Variants in PTPRT observed in about 807,000 individuals in gnomAD.
PTPRT encodes the protein receptor-type tyrosine-protein phosphatase T.
A neutral mutation model predicts 176.8 loss-of-function variants in PTPRT; 56 were observed. The ratio of observed to expected loss-of-function variants is 0.32; its 90% CI spans 0.26 to 0.40. PTPRT has a LOEUF of 0.40. PTPRT is among the 10% of genes least tolerant of loss of function. PTPRT has a pLI of 1.00. For synonymous variants in PTPRT, 783 were observed against 739.0 expected (o/e 1.06, Z -0.96); for missense variants, 1,540 against 1,908.2 (o/e 0.81, Z 3.60).
At chr20:42,670,002 C>G (rs2075385925) in intron 7 of PTPRT, among the ~76,000 whole-genome samples, 1 of 152,086 alleles carries the variant, frequency 6.6e-6, no homozygotes, top group African/African-American at 2.4e-5. Context: ...CATGAAATAC[C>G]CTCACAGCTA....
At chr20:42,838,630 C>CAGAGGA (rs2078222695) in intron 2 of PTPRT, among the ~76,000 whole-genome samples, 1 of 152,322 alleles carries the variant, frequency 6.6e-6, no homozygotes, top group South Asian at 2.1e-4. Flanking sequence ...GGCCGCTGGA[C>CAGAGGA]AGAGGAGAGG....
chr20:42,274,718 G>C (rs1392543229), intron 13 of PTPRT, among the ~76,000 whole-genome samples: 1 of 152,116 alleles, frequency 6.6e-6, no homozygotes, highest in Non-Finnish European at 1.5e-5. Context: ...CCCTGGAGCA[G>C]ACAACCCTGA....
At chr20:42,442,095 A>T (rs2059321567) in intron 9 of PTPRT, among the ~76,000 whole-genome samples, 1 of 152,116 alleles carries the variant, frequency 6.6e-6, no homozygotes, top group Non-Finnish European at 1.5e-5. Context: ...GGATGGGAGG[A>T]GGCATGCTCA....
intron 7 of PTPRT, among the ~76,000 whole-genome samples, chr20:42,642,448 G>A (rs2074779482): frequency 6.6e-6 from 1 of 152,142 alleles, no homozygotes; most frequent in Non-Finnish European, 1.5e-5. Flanking sequence ...TTTGGAGTAA[G>A]ATAGGGAATA....
chr20:42,241,929 G>A (rs1391791237), intron 14 of PTPRT, among the ~76,000 whole-genome samples: 2 of 152,106 alleles, frequency 1.3e-5, no homozygotes, highest in East Asian at 1.9e-4. Context: ...TCAGAGTGTG[G>A]ACTCCATTAT....
chr20:42,985,087 A>T (rs1983496819), intron 1 of PTPRT, among the ~76,000 whole-genome samples: 1 of 152,162 alleles, frequency 6.6e-6, no homozygotes, highest in Non-Finnish European at 1.5e-5. Context: ...ATCTTGAAAG[A>T]ACGGAATGGA....
At chr20:43,030,544 T>C (rs985047160) in intron 1 of PTPRT, among the ~76,000 whole-genome samples, 1 of 151,780 alleles carries the variant, frequency 6.6e-6, no homozygotes, top group African/African-American at 2.4e-5. Context: ...GTTGTGAATA[T>C]ACCTCTGTTG....
chr20:42,093,230 A>G (rs938364550), intron 27 of PTPRT, among the ~76,000 whole-genome samples: 1 of 152,156 alleles, frequency 6.6e-6, no homozygotes, highest in Non-Finnish European at 1.5e-5. Flanking sequence ...AAAGAGGGAA[A>G]AGATCTTGTC....
chr20:42,059,533 T>C, the PTPRT span, among the ~76,000 whole-genome samples: 2 of 152,232 alleles, frequency 1.3e-5, no homozygotes, highest in Non-Finnish European at 2.9e-5. Context: ...ATATCTGCCA[T>C]TTTTGACCTA....
chr20:42,973,120 C>T (rs1476736720), intron 1 of PTPRT, among the ~76,000 whole-genome samples: 1 of 151,370 alleles, frequency 6.6e-6, no homozygotes, highest in Non-Finnish European at 1.5e-5. Flanking sequence ...ATGGTAGCTG[C>T]AAGCAGAGAT....
At chr20:42,115,674 T>C (rs1987238201) in intron 21 of PTPRT, among the ~76,000 whole-genome samples, 1 of 152,238 alleles carries the variant, frequency 6.6e-6, no homozygotes, top group South Asian at 2.1e-4. Flanking sequence ...GTTCAGAGGT[T>C]TGGTGACTTG....
intron 2 of PTPRT, among the ~76,000 whole-genome samples, chr20:42,810,164 T>G (rs2077678669): frequency 6.6e-6 from 1 of 151,994 alleles, no homozygotes; most frequent in African/African-American, 2.4e-5. Flanking sequence ...CGTGGCAGCG[T>G]GCACCTGTAG....
rs540166196 is a variant in PTPRT, at chr20:42,338,124, C to A, written c.1865+12504G>T. Among the ~76,000 whole-genome samples the A allele has an allele frequency of 1.4e-3, 206 of 152,326 alleles. 1 individual carries two copies. The highest frequency in any genetic ancestry group is 2.4e-3 in the Non-Finnish European group (165 of 68,028). On this transcript the variant is annotated intron_variant, in intron 11 of 30. Transcript: ENST00000373187. ...TATGGAGGAAATTAACACCTCAAAG[C>A]AAACTATAATTAGGAATTCTTCAAT...
At chr20:42,723,950 CT>C (rs1372804067) in intron 6 of PTPRT, among the ~76,000 whole-genome samples, 2 of 152,196 alleles carry the variant, frequency 1.3e-5, no homozygotes, top group Non-Finnish European at 2.9e-5. Flanking sequence ...TGCTTTGATA[CT>C]TCCTGTTTGA....
intron 1 of PTPRT, among the ~76,000 whole-genome samples, chr20:43,089,158 T>C (rs1217051432): frequency 6.6e-6 from 1 of 152,226 alleles, no homozygotes; most frequent in Non-Finnish European, 1.5e-5. Context: ...GTAAGACTAT[T>C]ATTATCCCCA....
intron 12 of PTPRT, among the ~76,000 whole-genome samples, chr20:42,297,934 G>A (rs2057411496): frequency 6.6e-6 from 1 of 151,844 alleles, no homozygotes; most frequent in Non-Finnish European, 1.5e-5. Flanking sequence ...AGCAAACATG[G>A]GTAAATTCCT....
chr20:42,839,154 G>A (rs577198676), intron 2 of PTPRT, among the ~76,000 whole-genome samples: 44 of 152,184 alleles, frequency 2.9e-4, no homozygotes, highest in African/African-American at 9.6e-4. Flanking sequence ...TGCATACCTC[G>A]TAGGGACTTC....
intron 1 of PTPRT, among the ~76,000 whole-genome samples, chr20:43,052,541 G>A (rs1370639513): frequency 6.6e-6 from 1 of 152,142 alleles, no homozygotes; most frequent in African/African-American, 2.4e-5. Context: ...CAATGGGTGT[G>A]TTTACATTTG....
chr20:42,352,584 G>A (rs2058300911), intron 9 of PTPRT, among the ~76,000 whole-genome samples: 1 of 152,130 alleles, frequency 6.6e-6, no homozygotes, highest in Non-Finnish European at 1.5e-5. Context: ...GCTGGGAAGG[G>A]CAGTACCGGG....
Sources: allele counts gnomAD v4.1 joint callset (sites outside exome capture counted in the v4.1 genomes callset), GRCh38; gene constraint gnomAD v4.1.1; transcripts MANE v1.5; gene names NCBI Gene and HGNC (gene_info 2026-07-23, HGNC 2026-07-21).